Variants in MET observed in about 807,000 individuals in gnomAD.
The protein encoded by MET is hepatocyte growth factor receptor.
A neutral mutation model predicts 133.1 loss-of-function variants in MET; 48 were observed. The ratio of observed to expected loss-of-function variants is 0.36; its 90% CI spans 0.29 to 0.46. The LOEUF (loss-of-function observed/expected upper bound fraction) is 0.46, where lower values mean the gene tolerates loss of function less well. Among genes scored for constraint, MET ranks in the 20% least tolerant of loss-of-function variants. The probability of loss-of-function intolerance (pLI) is 1.00; values close to 1 mark genes in which losing one functional copy is unlikely to be tolerated. For synonymous variants in MET, 628 were observed against 616.5 expected (o/e 1.02, Z -0.28); for missense variants, 1,442 against 1,695.9 (o/e 0.85, Z 2.63).
At position 116,699,095 on chromosome 7, in the gene MET, C is replaced by T. The variant is rs2116577769; in HGVS notation, c.11C>T (p.Pro4Leu). 1.2e-6 allele frequency: 2 copies of T among 1,613,844 alleles called. No individual in the cohort carries two copies. The highest frequency in any genetic ancestry group is 8.5e-7 in the Non-Finnish European group (1 of 1,179,820). The change falls in exon 2 of 21, where the codon CCC (proline) becomes CTC (leucine). Residue 4 changes from proline (P) to leucine (L), a missense_variant. This residue lies in a region of MET where 762 missense variants were observed against 792.4 expected (regional missense o/e 0.96). Coordinates refer to ENST00000397752, the MANE Select transcript of MET (RefSeq NM_000245.4). The part of the protein sequence containing the change: MKA[P>L]AVLAPGILVL... ...GATAAACCTCTCATAATGAAGGCCCCCGCTGTGCTTGCACCTGGCATCCTC... is the reference window on the plus strand; with the variant it reads ...GATAAACCTCTCATAATGAAGGCCCTCGCTGTGCTTGCACCTGGCATCCTC...
rs1795068335 is a variant in MET, at chr7:116,778,820, A to T, written c.3385A>T (p.Ile1129Phe). The change falls in exon 17 of 21, where the codon ATC becomes TTC. Residue 1129 changes from isoleucine (I) to phenylalanine (F), a missense_variant. Coordinates refer to ENST00000397752, the MANE Select transcript of MET (RefSeq NM_000245.4). Reference sequence around the variant, plus strand: ...AGTTTCCCAATTTCTGACCGAGGGAATCATCATGAAAGATTTTAGTCATCC... The same window carrying T: ...AGTTTCCCAATTTCTGACCGAGGGATTCATCATGAAAGATTTTAGTCATCC... ...GEVSQFLTEG[I>F]IMKDFSHPNV... is the part of the protein sequence containing the mutation. The T allele has an allele frequency of 6.2e-7, 1 of 1,614,076 alleles. No individual in the cohort carries two copies. The highest frequency in any genetic ancestry group is 8.5e-7 in the Non-Finnish European group (1 of 1,179,982).
chr7:116,737,937 G>GA (rs759849443), intron 3 of MET, among the ~76,000 whole-genome samples: 16 of 152,114 alleles, frequency 1.1e-4, no homozygotes, highest in African/African-American at 3.4e-4. Flanking sequence ...GAAGGTAGGA[G>GA]AAAAAAAGGG....
In MET at chr7:116,716,591, G is replaced by A. The variant is rs1464794785; in HGVS notation, c.1201-15077G>A. ...AAGATGGTTCAGATCTCAAACTTAC[G>A]GAGAGGGTAGCTATTGATGCATTGA... On this transcript the variant is annotated intron_variant, in intron 2 of 20. Coordinates refer to ENST00000397752, the MANE Select transcript of MET (RefSeq NM_000245.4). Among the ~76,000 whole-genome samples the A allele has an allele frequency of 2.6e-5, 4 of 152,242 alleles. No individual in the cohort carries two copies. The East Asian group carries it at 7.7e-4, about 29-fold the overall frequency.
rs917987322 is a variant in MET, at chr7:116,782,168, T to C, written c.3632+71T>C. The C allele has an allele frequency of 3.8e-6, 4 of 1,059,208 alleles. No individual in the cohort carries two copies. In the African/African-American group the frequency reaches 6.2e-5, roughly 16 times the overall value. 65.6% of individuals were successfully genotyped at this position (1,059,208 alleles called of 1,614,324 possible). On this transcript the variant is annotated intron_variant, in intron 18 of 20. Coordinates refer to ENST00000397752, the MANE Select transcript of MET (RefSeq NM_000245.4). ...GAGGAATCTGTTTCCCACTGTTCAA[T>C]GCTAGTTAAGCTGTTTTCTCTTCTT...
chr7:116,732,874 T>G (rs1793071303), intron 3 of MET, among the ~76,000 whole-genome samples: 1 of 152,210 alleles, frequency 6.6e-6, no homozygotes. Context: ...ATGTTTTTCT[T>G]GTACTAAAGG....
At chr7:116,743,795 G>C (rs1179608733) in intron 5 of MET, among the ~76,000 whole-genome samples, 1 of 152,166 alleles carries the variant, frequency 6.6e-6, no homozygotes, top group Non-Finnish European at 1.5e-5. Context: ...GCTCTGGCTG[G>C]CATCTGGTGG....
intron 10 of MET, among the ~76,000 whole-genome samples, chr7:116,759,856 A>G (rs1794328657): frequency 6.6e-6 from 1 of 152,124 alleles, no homozygotes; most frequent in Non-Finnish European, 1.5e-5. Context: ...AGCTCACTGC[A>G]ATTTCCCCCT....
intron 1 of MET, among the ~76,000 whole-genome samples, chr7:116,675,860 C>A (rs1387739761): frequency 6.6e-6 from 1 of 151,076 alleles, no homozygotes; most frequent in Non-Finnish European, 1.5e-5. Flanking sequence ...CTCCTGTTAT[C>A]AGATTAAGAG....
chr7:116,724,657 G>GT (rs1212972544), intron 2 of MET: 15 of 461,184 alleles, frequency 3.3e-5, no homozygotes, highest in South Asian at 4.7e-5. Flanking sequence ...ACTGATAACA[G>GT]TTTTTTTTAC....
chr7:116,745,510 T>C (rs900776907), intron 5 of MET, among the ~76,000 whole-genome samples: 17 of 152,280 alleles, frequency 1.1e-4, no homozygotes, highest in Non-Finnish European at 1.6e-4. Context: ...GGAGGCATCA[T>C]GCTACCTGAC....
In MET at chr7:116,795,772, G is replaced by A. The variant is rs1436537175; in HGVS notation, c.3916G>A (p.Glu1306Lys). The stretch of plus-strand genomic sequence containing the variant: ...GCAAGGGAGAAGACTCCTACAACCC[G>A]AATACTGCCCAGACCCCTTGTAAGT... ...LLQGRRLLQP[E>K]YCPDPLYEVM... is the part of the protein sequence containing the mutation. The change falls in exon 20 of 21, where the codon GAA becomes AAA. Residue 1306 changes from glutamate to lysine, a missense_variant. Physicochemically the swap from Glu to Lys is moderately conservative, Grantham distance 56 (BLOSUM62 1). This residue lies in a region of MET where 32 missense variants were observed against 72.4 expected (regional missense o/e 0.44). Coordinates refer to ENST00000397752, the MANE Select transcript of MET (RefSeq NM_000245.4). 6 of 1,614,022 alleles carry A rather than the reference G, an allele frequency of 3.7e-6. No individual in the cohort carries two copies. Among genetic ancestry groups the A allele is most frequent in the Admixed American group, 3.3e-5 (2 of 60,000 alleles).
At chr7:116,697,198 T>G (rs1279813380) in intron 1 of MET, among the ~76,000 whole-genome samples, 1 of 152,212 alleles carries the variant, frequency 6.6e-6, no homozygotes, top group Non-Finnish European at 1.5e-5. Flanking sequence ...CTAATCATCT[T>G]TGTTTGTCTT....
chr7:116,768,065 TAA>T (rs1007519277), intron 11 of MET, among the ~76,000 whole-genome samples: 5 of 151,560 alleles, frequency 3.3e-5, no homozygotes, highest in Middle Eastern at 3.4e-3. Flanking sequence ...GTTGCTTATA[TAA>T]GTCACTACTT....
chr7:116,716,286 A>AGG (rs1792192053), intron 2 of MET, among the ~76,000 whole-genome samples: 2 of 16,328 alleles, frequency 1.2e-4, no homozygotes, highest in African/African-American at 5.8e-4. Context: ...GGAGAGAGGG[A>AGG]GAGAGAGAGA....
At chr7:116,792,423 C>G (rs893627786) in intron 19 of MET, among the ~76,000 whole-genome samples, 2 of 150,056 alleles carry the variant, frequency 1.3e-5, no homozygotes, top group Admixed American at 6.7e-5. Flanking sequence ...GTACACCTCC[C>G]TCCCCTCACC....
chr7:116,759,932 T>A (rs1674934575), intron 10 of MET, among the ~76,000 whole-genome samples: 1 of 152,152 alleles, frequency 6.6e-6, no homozygotes, highest in Admixed American at 6.5e-5. Context: ...CGAGCCATCA[T>A]GCCTGGCTAA....
At chr7:116,672,995 G>C (rs1037826507) in intron 1 of MET, among the ~76,000 whole-genome samples, 1 of 152,088 alleles carries the variant, frequency 6.6e-6, no homozygotes, top group Non-Finnish European at 1.5e-5. Context: ...TTATGTTGGG[G>C]TCCTTCCAAG....
rs543293293 is a variant in MET at position 116,757,553 on chromosome 7, T to C, written c.1965+14T>C. On this transcript the variant is annotated intron_variant, in intron 7 of 20. Coordinates refer to ENST00000397752, the MANE Select transcript of MET (RefSeq NM_000245.4). ...TTCTCCTATGTGGTAAGGAAGATTC[T>C]ATCCTATCATGTTTGATTTTTACTT... is the stretch of plus-strand genomic sequence containing the variant. 4.1e-4 allele frequency: 660 copies of C among 1,613,024 alleles called. 14 individuals carry two copies. The South Asian group carries it at 6.9e-3, about 17-fold the overall frequency.
intron 2 of MET, among the ~76,000 whole-genome samples, chr7:116,701,348 T>A (rs1791572673): frequency 6.6e-6 from 1 of 152,208 alleles, no homozygotes; most frequent in Admixed American, 6.5e-5. Flanking sequence ...ATAAAGGTTA[T>A]AATTGCAATC....
Sources: allele counts gnomAD v4.1 joint callset (sites outside exome capture counted in the v4.1 genomes callset), GRCh38; gene constraint gnomAD v4.1.1; regional missense constraint gnomAD v4.1.1; transcripts MANE v1.5; gene names NCBI Gene and HGNC (gene_info 2026-07-23, HGNC 2026-07-21).